MEMO1: variants seen among roughly 807,000 people sequenced by gnomAD.
The protein encoded by MEMO1 is protein MEMO1.
MEMO1 carries 6 observed loss-of-function variants against 45.2 expected under a neutral mutation model. The observed-to-expected ratio is 0.13, with a 90% CI of 0.07 to 0.26. The LOEUF is 0.26. Among genes scored for constraint, MEMO1 ranks in the 10% least tolerant of loss-of-function variants. The pLI is 1.00. For missense variants in MEMO1, 184 were observed against 370.5 expected, an observed-to-expected ratio of 0.50 and a Z score of 4.13; for synonymous variants, 78 against 124.3, an observed-to-expected ratio of 0.63 and a Z score of 2.48.
At chr2:31,895,368 A>G (rs1414261040) in intron 6 of MEMO1, among the ~76,000 whole-genome samples, 1 of 152,228 alleles carries the variant, frequency 6.6e-6, no homozygotes, top group East Asian at 1.9e-4. Flanking sequence ...AACTACAGGA[A>G]GCCATGCTCA....
intron 4 of MEMO1, among the ~76,000 whole-genome samples, chr2:31,929,977 G>A (rs139994001): frequency 7.2e-5 from 11 of 152,128 alleles, no homozygotes; most frequent in East Asian, 5.8e-4. Context: ...TAATTTGATC[G>A]GGCTGGGCAC....
chr2:31,920,999 T>A, intron 4 of MEMO1, 89 bp from the exon 5 acceptor site: 1 of 852,540 alleles, frequency 1.2e-6, no homozygotes, highest in Non-Finnish European at 1.8e-6. Context: ...TTCTTACAAA[T>A]CACTTGTTTT....
Position 31,984,216 on chromosome 2 carries a change from C to T in MEMO1, c.61+25971G>A, listed in dbSNP as rs537445563. ...GCAAACACTTACTACCTTAACCAAA[C>T]GATCAAAGTTAACCTCACCAACATT... On this transcript the variant is annotated intron_variant, in intron 2 of 9. Transcript: ENST00000404530. Among the ~76,000 whole-genome samples, 25 of 152,224 alleles carry T rather than the reference C, an allele frequency of 1.6e-4. 2 individuals carry two copies. In the South Asian group the frequency reaches 3.5e-3, roughly 21 times the overall value.
intron 2 of MEMO1, among the ~76,000 whole-genome samples, chr2:31,975,492 G>A (rs981465219): frequency 6.6e-6 from 1 of 152,108 alleles, no homozygotes; most frequent in Non-Finnish European, 1.5e-5. Context: ...CTAGACACAT[G>A]GGAGGTGCCA....
intron 3 of MEMO1, among the ~76,000 whole-genome samples, chr2:31,938,460 C>T (rs1037778493): frequency 6.6e-6 from 1 of 151,800 alleles, no homozygotes; most frequent in East Asian, 2.0e-4. Flanking sequence ...TCCTGGCTAA[C>T]ACGGTGAAAC....
intron 2 of MEMO1, among the ~76,000 whole-genome samples, chr2:31,975,487 C>A (rs1020331855): frequency 6.6e-6 from 1 of 152,152 alleles, no homozygotes; most frequent in Non-Finnish European, 1.5e-5. Context: ...ATCTCCTAGA[C>A]ACATGGGAGG....
intron 6 of MEMO1, among the ~76,000 whole-genome samples, chr2:31,897,471 C>A (rs1284003445): frequency 6.6e-6 from 1 of 152,130 alleles, no homozygotes; most frequent in African/African-American, 2.4e-5. Flanking sequence ...TGTATTGAGA[C>A]AATCATGTGG....
intron 8 of MEMO1, among the ~76,000 whole-genome samples, chr2:31,874,208 T>C (rs951555309): frequency 6.6e-6 from 1 of 152,098 alleles, no homozygotes; most frequent in Admixed American, 6.5e-5. Flanking sequence ...TGATAACCTA[T>C]GACCATCTCA....
At chr2:31,943,629 T>C (rs1301815290) in intron 2 of MEMO1, among the ~76,000 whole-genome samples, 1 of 152,220 alleles carries the variant, frequency 6.6e-6, no homozygotes, top group Non-Finnish European at 1.5e-5. Flanking sequence ...GCTGTCTTCA[T>C]TTCAGAGCAA....
intron 4 of MEMO1, among the ~76,000 whole-genome samples, chr2:31,924,764 A>C (rs756417596): frequency 2.0e-5 from 3 of 152,178 alleles, no homozygotes; most frequent in Non-Finnish European, 4.4e-5. Flanking sequence ...TCTGTCCTGC[A>C]AGGCTTGCTG....
chr2:31,884,165 T>G (rs564495291), intron 7 of MEMO1, among the ~76,000 whole-genome samples: 3 of 151,936 alleles, frequency 2.0e-5, no homozygotes, highest in Non-Finnish European at 4.4e-5. Context: ...GAAGGTAAAA[T>G]GAAAGAAGCT....
At chr2:32,000,266 G>C (rs1228748640) in intron 2 of MEMO1, among the ~76,000 whole-genome samples, 20 of 148,484 alleles carry the variant, frequency 1.3e-4, no homozygotes, top group Admixed American at 6.7e-5. Flanking sequence ...TTTCACTCTT[G>C]TTGCCCAGAC....
intron 6 of MEMO1, among the ~76,000 whole-genome samples, chr2:31,909,213 C>T (rs1438524579): frequency 6.6e-6 from 1 of 152,132 alleles, no homozygotes; most frequent in Non-Finnish European, 1.5e-5. Context: ...GATAAGGATG[C>T]CCACTTTCAC....
chr2:31,948,051 TGA>T (rs1033763950), intron 2 of MEMO1, among the ~76,000 whole-genome samples: 1 of 152,242 alleles, frequency 6.6e-6, no homozygotes, highest in African/African-American at 2.4e-5. Flanking sequence ...ACAGTAGGAC[TGA>T]GATTCTGCAT....
intron 4 of MEMO1, among the ~76,000 whole-genome samples, chr2:31,929,237 T>C (rs1037002206): frequency 1.3e-5 from 2 of 152,176 alleles, no homozygotes; most frequent in South Asian, 2.1e-4. Context: ...ATTTACTTTT[T>C]GTAATTTCAG....
intron 2 of MEMO1, among the ~76,000 whole-genome samples, chr2:31,963,575 G>A (rs1668272952): frequency 6.6e-6 from 1 of 152,076 alleles, no homozygotes; most frequent in South Asian, 2.1e-4. Context: ...GGTGACGGGG[G>A]TGTGACCAAA....
intron 6 of MEMO1, among the ~76,000 whole-genome samples, chr2:31,905,369 C>A (rs1005619483): frequency 2.0e-5 from 3 of 152,210 alleles, no homozygotes; most frequent in African/African-American, 7.2e-5. Context: ...CATTATAAAT[C>A]TTTACTGTTT....
At chr2:31,969,313 T>C (rs895218145) in intron 2 of MEMO1, among the ~76,000 whole-genome samples, 3 of 150,950 alleles carry the variant, frequency 2.0e-5, no homozygotes, top group Non-Finnish European at 4.4e-5. Context: ...TACACATATA[T>C]ACATGTGTGA....
chr2:31,869,286 A>G (rs1673312594), intron 9 of MEMO1, among the ~76,000 whole-genome samples: 1 of 152,046 alleles, frequency 6.6e-6, no homozygotes, highest in Non-Finnish European at 1.5e-5. Context: ...TCATATTTTC[A>G]TTCAAGAAAT....
Sources: allele counts gnomAD v4.1 joint callset (sites outside exome capture counted in the v4.1 genomes callset), GRCh38; gene constraint gnomAD v4.1.1; transcripts MANE v1.5; gene names NCBI Gene and HGNC (gene_info 2026-07-23, HGNC 2026-07-21).